The following IARS1 variants were observed in gnomAD, a reference collection of about 807,000 sequenced individuals.
The protein encoded by IARS1 is isoleucine--tRNA ligase, cytoplasmic.
Under a neutral mutation model 168.2 loss-of-function variants are expected in IARS1, and 124 were observed. The ratio of observed to expected loss-of-function variants is 0.74; its 90% CI spans 0.64 to 0.86. IARS1 has a LOEUF of 0.86. Ranked by LOEUF, IARS1 falls within the 40% of genes least tolerant of loss-of-function variation. The pLI is 0.00. For synonymous variants in IARS1, 532 were observed against 529.4 expected, an observed-to-expected ratio of 1.00 and a Z score of -0.07; for missense variants, 1,452 against 1,515.8, an observed-to-expected ratio of 0.96 and a Z score of 0.70.
At chr9:92,214,747 C>T (rs921514670) in intron 33 of IARS1, among the ~76,000 whole-genome samples, 1 of 152,260 alleles carries the variant, frequency 6.6e-6, no homozygotes, top group Non-Finnish European at 1.5e-5. Context: ...GAGATTATAC[C>T]CCGCACCTAG....
intron 33 of IARS1, among the ~76,000 whole-genome samples, chr9:92,214,664 G>A (rs149433144): frequency 0.031 from 4,652 of 152,266 alleles, 110 homozygotes; most frequent in South Asian, 0.079. Context: ...GGTGACGGAC[G>A]GCACCTGGAA....
At chr9:92,248,448 G>T (rs367936636) in intron 25 of IARS1, among the ~76,000 whole-genome samples, 4 of 151,898 alleles carry the variant, frequency 2.6e-5, no homozygotes, top group African/African-American at 4.8e-5. Context: ...CGAGGTGGGA[G>T]GATCACTTGA....
intron 30 of IARS1, chr9:92,240,340 TG>T: frequency 3.7e-6 from 1 of 273,596 alleles, no homozygotes; most frequent in Non-Finnish European, 6.9e-6. Flanking sequence ...CTCAGCTCAC[TG>T]CAACCTCCAC....
At chr9:92,253,798 A>G (rs766057125) in intron 20 of IARS1, 9 of 495,340 alleles carry the variant, frequency 1.8e-5, no homozygotes, top group Non-Finnish European at 3.6e-5. Context: ...GAGCTGTGCA[A>G]TTTGACAGCA....
Position 92,226,848 on chromosome 9 carries a change from C to T in IARS1, c.3409+2153G>A, listed in dbSNP as rs551678820. On this transcript the variant is annotated intron_variant, in intron 31 of 33. Coordinates refer to ENST00000443024, the MANE Select transcript of IARS1 (RefSeq NM_002161.6). ...TTATTGATCATTCTTGGGTGTTTCTCGCAGAGGGGGATTTGGCAGGGTCAC... is the reference window on the plus strand; with the variant it reads ...TTATTGATCATTCTTGGGTGTTTCTTGCAGAGGGGGATTTGGCAGGGTCAC... 9.5e-3 allele frequency among the ~76,000 whole-genome samples: 1,370 copies of T among 143,562 alleles called. 11 individuals are homozygous for T. The highest frequency in any genetic ancestry group is 0.016 in the Non-Finnish European group (1,051 of 66,206). 94.2% of individuals were successfully genotyped at this position (143,562 alleles called of 152,430 possible).
At chr9:92,281,089 C>G (rs952422006) in intron 6 of IARS1, among the ~76,000 whole-genome samples, 196 bp from the exon 7 acceptor site, 3 of 150,834 alleles carry the variant, frequency 2.0e-5, no homozygotes, top group African/African-American at 7.3e-5. Context: ...ATGTTTTAAT[C>G]ATCACCTTAG....
chr9:92,253,336 T>C (rs930947371), intron 21 of IARS1, 26 bp downstream of exon 21: 1 of 1,494,030 alleles, frequency 6.7e-7, no homozygotes, highest in Non-Finnish European at 9.3e-7. Flanking sequence ...CACTTTTTGC[T>C]TTTCCCAACA....
chr9:92,239,254 G>T (rs11788762), intron 30 of IARS1, among the ~76,000 whole-genome samples: 1 of 152,030 alleles, frequency 6.6e-6, no homozygotes, highest in Non-Finnish European at 1.5e-5. Flanking sequence ...GATTCTTTTA[G>T]TTTTCTTTCA....
intron 6 of IARS1, among the ~76,000 whole-genome samples, chr9:92,284,531 A>G (rs1835135510): frequency 6.6e-6 from 1 of 152,218 alleles, no homozygotes; most frequent in Non-Finnish European, 1.5e-5. Context: ...TCACAACTGT[A>G]ATTCCAACAC....
At chr9:92,245,546 T>G (rs920856063) in intron 26 of IARS1, among the ~76,000 whole-genome samples, 2 of 152,172 alleles carry the variant, frequency 1.3e-5, no homozygotes, top group Non-Finnish European at 2.9e-5. Context: ...TCATGCCTGT[T>G]CAGGGGAGGC....
In IARS1 at chr9:92,282,860, A is replaced by ATTT. The variant is rs35959111; in HGVS notation, c.598-1970_598-1968dup. 1.5e-3 allele frequency among the ~76,000 whole-genome samples: 199 copies of ATTT among 132,854 alleles called. 1 individual carries two copies. The highest frequency in any genetic ancestry group is 5.6e-3 in the African/African-American group (192 of 34,558). 87.2% of individuals were successfully genotyped at this position (132,854 alleles called of 152,430 possible). On this transcript the variant is annotated intron_variant, in intron 6 of 33. Coordinates refer to ENST00000443024, the MANE Select transcript of IARS1 (RefSeq NM_002161.6). Reference sequence around the variant, plus strand: ...CACACATATATATATATATATATATATTTTTTTTTTTTGAGACAGAGTCTA... The same window carrying ATTT: ...CACACATATATATATATATATATATATTTTTTTTTTTTTTTGAGACAGAGTCTA...
intron 27 of IARS1, among the ~76,000 whole-genome samples, 165 bp downstream of exon 27, chr9:92,244,794 G>A (rs1450025723): frequency 6.6e-6 from 1 of 152,052 alleles, no homozygotes; most frequent in African/African-American, 2.4e-5. Context: ...ATATGTTAAG[G>A]GCATAATAAT....
At chr9:92,229,982 C>A (rs952177497) in intron 30 of IARS1, among the ~76,000 whole-genome samples, 1 of 151,090 alleles carries the variant, frequency 6.6e-6, no homozygotes, top group African/African-American at 2.4e-5. Flanking sequence ...CCTCCCAGGC[C>A]CATTCCCTCC....
chr9:92,287,735 A>G (rs1408333669), intron 4 of IARS1, 56 bp downstream of exon 4: 2 of 1,554,564 alleles, frequency 1.3e-6, no homozygotes, highest in East Asian at 2.3e-5. Context: ...AACCATTTCA[A>G]TGCCCATTTA....
At chr9:92,243,495 C>G in intron 27 of IARS1, 184 bp from the exon 28 acceptor site, 1 of 500,676 alleles carries the variant, frequency 2.0e-6, no homozygotes. Flanking sequence ...TCAGCTAGTC[C>G]TCTGTCTCTG....
chr9:92,269,527 C>G (rs546073884), intron 13 of IARS1, among the ~76,000 whole-genome samples: 1 of 152,246 alleles, frequency 6.6e-6, no homozygotes, highest in African/African-American at 2.4e-5. Context: ...GCAGGTATAT[C>G]TGAAAATAAT....
chr9:92,232,300 C>T (rs564662265), intron 30 of IARS1, among the ~76,000 whole-genome samples: 1 of 152,090 alleles, frequency 6.6e-6, no homozygotes, highest in South Asian at 2.1e-4. Flanking sequence ...AATACTGAAG[C>T]ATTAATAGTG....
Position 92,285,370 on chromosome 9 carries a change from C to G in IARS1, c.597+352G>C, listed in dbSNP as rs560494018. On this transcript the variant is annotated intron_variant, in intron 6 of 33. Coordinates refer to ENST00000443024, the MANE Select transcript of IARS1 (RefSeq NM_002161.6). ...AACAAATAAATGATATCATGAGGTC[C>G]CAGATAAGGCATAAAATTACTCAAC... 1.0e-3 allele frequency among the ~76,000 whole-genome samples: 152 copies of G among 152,064 alleles called. 1 individual carries two copies. Among genetic ancestry groups the G allele is most frequent in the African/African-American group, 3.4e-3 (142 of 41,466 alleles).
chr9:92,284,693 G>C (rs564080280), intron 6 of IARS1, among the ~76,000 whole-genome samples: 9 of 151,734 alleles, frequency 5.9e-5, no homozygotes, highest in African/African-American at 2.2e-4. Context: ...TGCTTGAATC[G>C]GGTAGGTGGA....
Sources: allele counts gnomAD v4.1 joint callset (sites outside exome capture counted in the v4.1 genomes callset), GRCh38; gene constraint gnomAD v4.1.1; transcripts MANE v1.5; gene names NCBI Gene and HGNC (gene_info 2026-07-23, HGNC 2026-07-21).